The following GPAT3 variants were observed in gnomAD, a reference collection of about 807,000 sequenced individuals.
The protein encoded by GPAT3 is glycerol-3-phosphate acyltransferase 3, also known as 1-AGP acyltransferase 9.
GPAT3 carries 53 observed loss-of-function variants against 58.8 expected under a neutral mutation model. The observed-to-expected ratio is 0.90, with a 90% confidence interval of 0.72 to 1.13. The LOEUF is 1.13. GPAT3 is among the 50% of genes most tolerant of loss of function. The probability of loss-of-function intolerance (pLI) is 0.00; values close to 1 mark genes in which losing one functional copy is unlikely to be tolerated. For synonymous variants in GPAT3, 197 were observed against 187.4 expected (o/e 1.05, Z -0.42); for missense variants, 511 against 527.6 (o/e 0.97, Z 0.31).
rs76408359 is a variant in GPAT3 at position 83,561,301 on chromosome 4, A to G, written c.208+16699A>G. ...CAGATTAATGCCAGAAAGAGATTAC[A>G]GGCTTTGGCTATATAACATGCTTGG... On this transcript the variant is annotated intron_variant, in intron 2 of 11. Transcript: ENST00000264409. Among the ~76,000 whole-genome samples, 39 of 152,332 alleles carry G rather than the reference A, an allele frequency of 2.6e-4. No individual in the cohort carries two copies. In the East Asian group the frequency reaches 6.9e-3, roughly 27 times the overall value.
At chr4:83,563,029 A>C (rs1475408196) in intron 2 of GPAT3, among the ~76,000 whole-genome samples, 1 of 152,248 alleles carries the variant, frequency 6.6e-6, no homozygotes, top group Non-Finnish European at 1.5e-5. Context: ...AAGCTAGCAC[A>C]GAAATTAAGT....
chr4:83,587,329 G>C lies in GPAT3; in HGVS notation c.554G>C (p.Ser185Thr). ...CTGGTTGGGCAGCTGCCAGACAGCA[G>C]GTGAAATGTTTCCTTCCATCCAGCC... ...TTLVGQLPDSSLKNWLSELVH... is the reference protein window; with the variant it reads ...TTLVGQLPDSTLKNWLSELVH... Residue 185 changes from serine to threonine, a missense_variant and splice_region_variant, in exon 4 of 12, where the codon AGC (serine) becomes ACC (threonine). Coordinates refer to ENST00000264409, the MANE Select transcript of GPAT3 (RefSeq NM_032717.5). The C allele has an allele frequency of 1.2e-6, 2 of 1,612,778 alleles. No homozygotes were observed. Among genetic ancestry groups the C allele is most frequent in the African/African-American group, 2.7e-5 (2 of 74,960 alleles).
intron 2 of GPAT3, among the ~76,000 whole-genome samples, chr4:83,550,025 T>C (rs1004503466): frequency 3.0e-4 from 45 of 151,582 alleles, no homozygotes; most frequent in African/African-American, 1.0e-3. Flanking sequence ...GCCTAGCCCA[T>C]TTTTTAATTT....
At chr4:83,573,278 A>G (rs1263410662) in intron 2 of GPAT3, among the ~76,000 whole-genome samples, 2 of 152,072 alleles carry the variant, frequency 1.3e-5, no homozygotes, top group South Asian at 2.1e-4. Flanking sequence ...AGCTGGGACT[A>G]CAGGTGCTTG....
rs1166891598 is a variant in GPAT3, at chr4:83,568,398, A to G, written c.209-13164A>G. Among the ~76,000 whole-genome samples, 4 of 152,206 alleles carry G rather than the reference A, an allele frequency of 2.6e-5. No homozygotes were observed. The East Asian group carries it at 7.7e-4, about 29-fold the overall frequency. The stretch of plus-strand genomic sequence containing the variant: ...GATGACTTCTTCCCCTTTTCATTTT[A>G]TGGACCTATTGTATGGTATATCATA... On this transcript the variant is annotated intron_variant, in intron 2 of 11. Transcript: ENST00000264409.
chr4:83,575,509 T>A (rs2058361317), intron 2 of GPAT3, among the ~76,000 whole-genome samples: 1 of 152,010 alleles, frequency 6.6e-6, no homozygotes, highest in Admixed American at 6.6e-5. Flanking sequence ...ACCTCCCGAG[T>A]TCACACCATT....
intron 1 of GPAT3, among the ~76,000 whole-genome samples, chr4:83,540,002 A>G (rs1018076639): frequency 2.0e-5 from 3 of 152,078 alleles, no homozygotes; most frequent in Non-Finnish European, 4.4e-5. Context: ...TACTAAAAAT[A>G]CAAAAATTAG....
chr4:83,594,074 C>G (rs1402899449), intron 6 of GPAT3, among the ~76,000 whole-genome samples: 2 of 152,036 alleles, frequency 1.3e-5, no homozygotes, highest in African/African-American at 4.8e-5. Context: ...ATTATTTCCC[C>G]TTTAGTCTTA....
intron 2 of GPAT3, among the ~76,000 whole-genome samples, chr4:83,578,055 C>T (rs1276407454): frequency 6.6e-6 from 1 of 152,108 alleles, no homozygotes; most frequent in Non-Finnish European, 1.5e-5. Context: ...CCCACCTCGG[C>T]CTCCCAAAGT....
intron 2 of GPAT3, among the ~76,000 whole-genome samples, chr4:83,545,215 C>T (rs1724461434): frequency 6.6e-6 from 1 of 152,112 alleles, no homozygotes; most frequent in Admixed American, 6.6e-5. Flanking sequence ...CTGAGGCCGG[C>T]AGATCGCTTG....
chr4:83,551,204 G>A (rs891797052), intron 2 of GPAT3, among the ~76,000 whole-genome samples: 7 of 152,092 alleles, frequency 4.6e-5, no homozygotes, highest in Non-Finnish European at 1.0e-4. Flanking sequence ...TATGTAAGCT[G>A]ATTTATTTAT....
intron 1 of GPAT3, among the ~76,000 whole-genome samples, chr4:83,540,938 C>T (rs760075014): frequency 2.0e-5 from 3 of 152,180 alleles, no homozygotes; most frequent in Non-Finnish European, 2.9e-5. Flanking sequence ...GATCTGCCCG[C>T]CTTGGCTTCC....
intron 6 of GPAT3, among the ~76,000 whole-genome samples, chr4:83,591,547 C>T (rs1159042216): frequency 1.3e-5 from 2 of 152,106 alleles, no homozygotes; most frequent in African/African-American, 4.8e-5. Flanking sequence ...AAAAAACTAA[C>T]CATATCTGCA....
At chr4:83,596,594 C>T (rs1236132173) in intron 7 of GPAT3, among the ~76,000 whole-genome samples, 1 of 151,944 alleles carries the variant, frequency 6.6e-6, no homozygotes, top group Non-Finnish European at 1.5e-5. Flanking sequence ...TGCACTCCAG[C>T]CTGGATGAAA....
Position 83,581,728 on chromosome 4 carries a change from T to A in GPAT3, c.375T>A (p.Asn125Lys), listed in dbSNP as rs140867333. 1.3e-5 allele frequency: 21 copies of A among 1,614,060 alleles called. No homozygotes were observed. In the African/African-American group the frequency reaches 2.8e-4, roughly 22 times the overall value. Residue 125 changes from asparagine to lysine, a missense_variant, in exon 3 of 12, where the codon AAT becomes AAA. Physicochemically the swap from Asn to Lys is moderately conservative, Grantham distance 94 (BLOSUM62 0). Coordinates refer to ENST00000264409, the MANE Select transcript of GPAT3 (RefSeq NM_032717.5). ...RFSSEELVSW[N>K]LLTRTNVNFQ... ...CCTCAGAGGAGCTAGTGTCATGGAA[T>A]CTCCTCACAAGAACCAATGTAAATT...
intron 8 of GPAT3, 45 bp downstream of exon 8, chr4:83,596,958 C>T (rs773511733): frequency 6.5e-7 from 1 of 1,538,784 alleles, no homozygotes; most frequent in Admixed American, 1.8e-5. Flanking sequence ...TAACAACAAA[C>T]CATCAAAAGT....
At chr4:83,575,537 C>T (rs529705514) in intron 2 of GPAT3, among the ~76,000 whole-genome samples, 11 of 152,112 alleles carry the variant, frequency 7.2e-5, no homozygotes, top group Non-Finnish European at 1.6e-4. Context: ...CACAGCCTCC[C>T]CAGCAGCTGG....
intron 2 of GPAT3, among the ~76,000 whole-genome samples, chr4:83,545,656 C>A (rs1034557873): frequency 1.3e-5 from 2 of 152,102 alleles, no homozygotes; most frequent in African/African-American, 4.8e-5. Flanking sequence ...TACTTAAACA[C>A]CCAAATATTA....
intron 2 of GPAT3, among the ~76,000 whole-genome samples, chr4:83,545,538 A>G (rs149962484): frequency 1.3e-5 from 2 of 152,340 alleles, no homozygotes; most frequent in African/African-American, 2.4e-5. Flanking sequence ...ATTGTATTCT[A>G]TAGTGAGTTT....
Sources: gnomAD v4.1 joint callset for allele counts (sites outside exome capture counted in the v4.1 genomes callset) on GRCh38, gnomAD v4.1.1 for gene constraint, MANE v1.5 for transcripts, NCBI Gene and HGNC (gene_info 2026-07-23, HGNC 2026-07-21) for gene names.